Variants in CBR4 observed in about 807,000 individuals in gnomAD.
The protein encoded by CBR4 is 3-oxoacyl-[acyl-carrier-protein] reductase.
Under a neutral mutation model 21.0 loss-of-function variants are expected in CBR4, and 22 were observed. That is an observed-to-expected ratio of 1.05 (90% CI 0.75 to 1.50). The LOEUF (loss-of-function observed/expected upper bound fraction) is 1.50. Among genes scored for constraint, CBR4 ranks in the 40% most tolerant of loss-of-function variants. The pLI, the probability that CBR4 is intolerant of heterozygous loss-of-function variation, is 0.00. For synonymous variants in CBR4, 100 were observed against 104.4 expected, an observed-to-expected ratio of 0.96 and a Z score of 0.26; for missense variants, 302 against 286.3, an observed-to-expected ratio of 1.05 and a Z score of -0.40.
downstream of CBR4, among the ~76,000 whole-genome samples, chr4:168,984,732 G>C (rs1483904484): frequency 6.6e-6 from 1 of 152,124 alleles, no homozygotes; most frequent in Non-Finnish European, 1.5e-5. Context: ...CAATGGAATA[G>C]GTTAGAGAAT....
intron 2 of CBR4, among the ~76,000 whole-genome samples, chr4:168,958,437 T>C (rs1365754494): frequency 2.0e-5 from 3 of 152,370 alleles, no homozygotes; most frequent in African/African-American, 7.2e-5. Context: ...ATTGTATGGA[T>C]AGATTATATT....
intron 2 of CBR4, among the ~76,000 whole-genome samples, chr4:168,898,894 AG>A: frequency 6.6e-6 from 1 of 152,324 alleles, no homozygotes; most frequent in East Asian, 1.9e-4. Flanking sequence ...AAACCAAAAA[AG>A]GTGGTGGGGG....
intron 2 of CBR4, among the ~76,000 whole-genome samples, chr4:168,966,520 C>A (rs1024113341): frequency 6.6e-6 from 1 of 151,498 alleles, no homozygotes; most frequent in African/African-American, 2.4e-5. Flanking sequence ...GAGCGAGACT[C>A]CGTCTCAAAG....
chr4:168,932,393 CA>C (rs370888266), intron 2 of CBR4, among the ~76,000 whole-genome samples: 47 of 138,514 alleles, frequency 3.4e-4, no homozygotes, highest in Admixed American at 3.6e-4. Flanking sequence ...CTCATGCAGA[CA>C]AAAAAAAAAG....
intron 2 of CBR4, among the ~76,000 whole-genome samples, chr4:168,938,094 G>A (rs1763162491): frequency 1.3e-5 from 2 of 152,054 alleles, no homozygotes; most frequent in African/African-American, 4.8e-5. Flanking sequence ...GCAAAAGAAT[G>A]GAAATCATAA....
intron 2 of CBR4, among the ~76,000 whole-genome samples, chr4:168,933,967 G>A (rs1368093691): frequency 3.3e-5 from 5 of 152,072 alleles, no homozygotes; most frequent in Admixed American, 3.3e-4. Context: ...TGAAACAAAT[G>A]AAAACAGAAA....
At chr4:168,955,815 T>C (rs1419127525) in intron 2 of CBR4, among the ~76,000 whole-genome samples, 1 of 152,154 alleles carries the variant, frequency 6.6e-6, no homozygotes, top group East Asian at 1.9e-4. Flanking sequence ...CTGCCAGCTA[T>C]GCAGCAGCAA....
chr4:168,960,481 G>C (rs1490539812), intron 2 of CBR4, among the ~76,000 whole-genome samples: 2 of 152,150 alleles, frequency 1.3e-5, no homozygotes, highest in Admixed American at 1.3e-4. Flanking sequence ...ATCCAGAGAA[G>C]TTCACCAGAG....
At chr4:169,006,449 C>G (rs531321602) in intron 3 of CBR4, among the ~76,000 whole-genome samples, 3 of 152,310 alleles carry the variant, frequency 2.0e-5, no homozygotes, top group African/African-American at 4.8e-5. Context: ...TCTACTGAAT[C>G]TAAGTGGTGG....
At chr4:168,947,997 G>A (rs186594532) in intron 2 of CBR4, among the ~76,000 whole-genome samples, 2 of 152,288 alleles carry the variant, frequency 1.3e-5, no homozygotes, top group Non-Finnish European at 2.9e-5. Flanking sequence ...CCCACCAGCA[G>A]TGTAGAAGTG....
rs1763803207 is a variant in CBR4 at position 168,960,102 on chromosome 4, G to A, written n.169+41969C>T. Among the ~76,000 whole-genome samples, 4 of 152,086 alleles carry A rather than the reference G, an allele frequency of 2.6e-5. 1 individual carries two copies. Among genetic ancestry groups the A allele is most frequent in the Admixed American group, 6.5e-5 (1 of 15,268 alleles). ...ATTCCTAAGTGTTATGGTTTTTAAT[G>A]CTACTGTAAATGGAATTTAGTCCCA... On this transcript the variant is annotated intron_variant and non_coding_transcript_variant, in intron 2 of 3. Transcript: ENST00000509108.
intron 2 of CBR4, among the ~76,000 whole-genome samples, chr4:168,952,315 A>G (rs1408809583): frequency 1.3e-5 from 2 of 150,556 alleles, no homozygotes; most frequent in South Asian, 2.1e-4. Context: ...TTCTCCCTTC[A>G]CTTCTTGTAT....
chr4:168,959,712 T>C (rs11132683), intron 2 of CBR4, among the ~76,000 whole-genome samples: 105,303 of 151,112 alleles, frequency 0.7, 38,090 homozygotes, highest in East Asian at 0.96. Context: ...ATTACAGGCA[T>C]GTGCCACCAT....
At chr4:168,902,029 G>A (rs1243870900) in intron 2 of CBR4, among the ~76,000 whole-genome samples, 1 of 152,102 alleles carries the variant, frequency 6.6e-6, no homozygotes, top group Non-Finnish European at 1.5e-5. Context: ...AAAAATACGA[G>A]TTTGAAAAGT....
intron 2 of CBR4, among the ~76,000 whole-genome samples, chr4:168,975,740 T>C (rs1764350907): frequency 6.6e-6 from 1 of 152,092 alleles, no homozygotes; most frequent in Non-Finnish European, 1.5e-5. Flanking sequence ...TGAGCTCAGA[T>C]TCTCCCTGGG....
intron 4 of CBR4, among the ~76,000 whole-genome samples, chr4:168,999,457 C>T (rs925997874): frequency 1.3e-5 from 2 of 151,954 alleles, no homozygotes; most frequent in Admixed American, 6.6e-5. Flanking sequence ...CATATTCATA[C>T]CATCAAATCT....
chr4:168,921,795 A>G (rs954344071), intron 2 of CBR4: 1 of 1,310,646 alleles, frequency 7.6e-7, no homozygotes, highest in African/African-American at 1.5e-5. Flanking sequence ...CAGACTTACA[A>G]ATGTAAACTA....
chr4:168,929,654 C>G (rs1762908620), intron 2 of CBR4, among the ~76,000 whole-genome samples: 1 of 152,062 alleles, frequency 6.6e-6, no homozygotes, highest in Non-Finnish European at 1.5e-5. Context: ...TTGGAGTTGG[C>G]CAACCAGGAT....
At position 168,987,709 on chromosome 4, in the gene CBR4, G is replaced by C. The variant is rs1402892213; in HGVS notation, c.*2441C>G. Reference sequence around the variant, plus strand: ...ATCTTAGAAAAAATGTTTCACCAATGTTAAGGTACAACTCTTGAATATGCA... The same window carrying C: ...ATCTTAGAAAAAATGTTTCACCAATCTTAAGGTACAACTCTTGAATATGCA... On this transcript the variant is annotated 3_prime_UTR_variant, in exon 5 of 5. Transcript: ENST00000306193. 3 of 983,860 alleles carry C rather than the reference G, an allele frequency of 3.0e-6. No individual in the cohort carries two copies. Among genetic ancestry groups the C allele is most frequent in the Non-Finnish European group, 3.6e-6 (3 of 828,662 alleles). 60.9% of individuals were successfully genotyped at this position (983,860 alleles called of 1,614,324 possible).
Sources: allele counts gnomAD v4.1 joint callset (sites outside exome capture counted in the v4.1 genomes callset), GRCh38; gene constraint gnomAD v4.1.1; transcripts MANE v1.5; gene names NCBI Gene and HGNC (gene_info 2026-07-23, HGNC 2026-07-21).